The following WDR87 variants were observed in gnomAD, a reference collection of about 807,000 sequenced individuals.
The protein encoded by WDR87 is WD repeat domain 87.
In WDR87, 56 loss-of-function variants were observed where a neutral mutation model predicts 83.3. The ratio of observed to expected loss-of-function variants is 0.67; its 90% confidence interval spans 0.54 to 0.84. The LOEUF (loss-of-function observed/expected upper bound fraction) is 0.84. Among genes scored for constraint, WDR87 ranks in the 40% least tolerant of loss-of-function variants. The pLI is 0.00. For synonymous variants in WDR87, 1,173 were observed against 1,250.6 expected (o/e 0.94, Z 1.31); for missense variants, 2,939 against 3,431.9 (o/e 0.86, Z 3.59).
At chr19:37,898,555 A>G (rs901151463) in intron 1 of WDR87, among the ~76,000 whole-genome samples, 2 of 152,220 alleles carry the variant, frequency 1.3e-5, no homozygotes, top group African/African-American at 4.8e-5. Context: ...TATATGGGTG[A>G]GAGAACCAGA....
At position 37,894,080 on chromosome 19, in the gene WDR87, A is replaced by G; in HGVS notation, c.1623T>C (p.Leu541=). The change falls in exon 4 of 6, where the codon CTT becomes CTC. Residue 541 remains leucine (L), a synonymous_variant. Coordinates refer to ENST00000447313, the MANE Select transcript of WDR87 (RefSeq NM_001291088.2). ...GCCGCAGTTGTACTTTGACCCCATCAAGCACAGCTTCTGACAGGTGCACAT... is the reference window on the plus strand; with the variant it reads ...GCCGCAGTTGTACTTTGACCCCATCGAGCACAGCTTCTGACAGGTGCACAT... ...DDYVHLSEAV[L]DGVKVQLRPL... The G allele has an allele frequency of 6.4e-7, 1 of 1,552,248 alleles. No individual in the cohort carries two copies. Among genetic ancestry groups the G allele is most frequent in the Non-Finnish European group, 8.7e-7 (1 of 1,147,114 alleles).
chr19:37,888,910 T>G lies in WDR87; in HGVS notation c.4761A>C (p.Glu1587Asp). ...YKDEEEVTLEEEVSREGEEKE... is the reference protein window; with the variant it reads ...YKDEEEVTLEDEVSREGEEKE... ...TTTCTTCCCCCTCCCGAGACACTTC[T>G]TCCTCCAAAGTCACTTCTTCCTCAT... Residue 1587 changes from glutamate (E) to aspartate (D), a missense_variant, in exon 6 of 6, where the codon GAA (glutamate) becomes GAC (aspartate). This residue lies in a region of WDR87 where 2,160 missense variants were observed against 2,533.1 expected (regional missense o/e 0.85). Transcript: ENST00000447313. 6.4e-7 allele frequency: 1 copy of G among 1,552,228 alleles called. No homozygotes were observed. The highest frequency in any genetic ancestry group is 8.7e-7 in the Non-Finnish European group (1 of 1,147,082).
At position 37,893,152 on chromosome 19, in the gene WDR87, G is replaced by A. The variant is rs374816200; in HGVS notation, c.2551C>T (p.Arg851Trp). 2.2e-5 allele frequency: 34 copies of A among 1,551,776 alleles called. No homozygotes were observed. The African/African-American group carries it at 3.1e-4, about 14-fold the overall frequency. ...TGAGACCTGTCCCATTCCAGCTCCCGCTGGGGTGCATGCAGGTTGCACTGT... is the reference window on the plus strand; with the variant it reads ...TGAGACCTGTCCCATTCCAGCTCCCACTGGGGTGCATGCAGGTTGCACTGT... ...YLQCNLHAPQ[R>W]ELEWDRSQEF... Residue 851 changes from arginine (R) to tryptophan (W), a missense_variant, in exon 4 of 6, where the codon CGG (arginine) becomes TGG (tryptophan). Coordinates refer to ENST00000447313, the MANE Select transcript of WDR87 (RefSeq NM_001291088.2).
In WDR87 at chr19:37,891,741, C is replaced by T; in HGVS notation, c.3205G>A (p.Val1069Met). 1 of 1,552,160 alleles carries T rather than the reference C, an allele frequency of 6.4e-7. No homozygotes were observed. The highest frequency in any genetic ancestry group is 1.2e-5 in the South Asian group (1 of 84,064). The change falls in exon 5 of 6, where the codon GTG becomes ATG. Residue 1069 changes from valine (V) to methionine (M), a missense_variant. By Grantham distance (21) the Val-to-Met change is conservative. Around this residue, in one of 3 missense-constraint regions of WDR87, gnomAD observed 2,160 missense variants for 2,533.1 expected, o/e 0.85. Transcript: ENST00000447313. Reference protein sequence around the residue: ...ATDLQILSTQVEQRLNENLTL... With the variant: ...ATDLQILSTQMEQRLNENLTL... ...AGGTTTTCATTCAATCTCTGCTCCA[C>T]TTGAGTGGAAAGGATTTGGAGATCT...
chr19:37,898,116 A>G (rs1176916545), intron 2 of WDR87, 49 bp downstream of exon 2: 8 of 1,547,632 alleles, frequency 5.2e-6, no homozygotes, highest in Non-Finnish European at 7.0e-6. Context: ...TGACTGTAAG[A>G]CAGGTAGCAG....
Position 37,893,827 on chromosome 19 carries a change from C to A in WDR87, c.1876G>T (p.Ala626Ser). The A allele has an allele frequency of 6.4e-7, 1 of 1,551,726 alleles. No homozygotes were observed. Among genetic ancestry groups the A allele is most frequent in the Non-Finnish European group, 8.7e-7 (1 of 1,147,018 alleles). Residue 626 changes from alanine (A) to serine (S), a missense_variant, in exon 4 of 6, where the codon GCC (alanine) becomes TCC (serine). This residue lies in a region of WDR87 where 553 missense variants were observed against 577.9 expected (regional missense o/e 0.96). Coordinates refer to ENST00000447313, the MANE Select transcript of WDR87 (RefSeq NM_001291088.2). ...TCCCAGATCCGAACAGAGCCATCGG[C>A]AGAACCTGTGACAAAAAGACTCAAG... ...LSLSLFVTGS[A>S]DGSVRIWDFH...
chr19:37,899,248 G>A (rs1031371943), intron 1 of WDR87, among the ~76,000 whole-genome samples: 15 of 151,686 alleles, frequency 9.9e-5, no homozygotes, highest in African/African-American at 2.9e-4. Flanking sequence ...GTGAAACCCC[G>A]TCTCTACTAA....
rs577327723 is a variant in WDR87 at position 37,894,190 on chromosome 19, C to T, written c.1513G>A (p.Ala505Thr). The T allele has an allele frequency of 1.0e-5, 16 of 1,552,178 alleles. No homozygotes were observed. The highest frequency in any genetic ancestry group is 7.1e-5 in the South Asian group (6 of 84,054). ...ARLEKFMHFG[A>T]VLALSTLSGG... ...GACAGCGTGGAGAGTGCCAGTACAG[C>T]GCCAAAGTGCATGAATTTTTCTAAT... The change falls in exon 4 of 6, where the codon GCT becomes ACT. Residue 505 changes from alanine (A) to threonine (T), a missense_variant. Physicochemically the swap from Ala to Thr is moderately conservative, Grantham distance 58 (BLOSUM62 0). Coordinates refer to ENST00000447313, the MANE Select transcript of WDR87 (RefSeq NM_001291088.2).
At chr19:37,900,968 A>ATAC (rs2046290256) in intron 1 of WDR87, among the ~76,000 whole-genome samples, 2 of 142,980 alleles carry the variant, frequency 1.4e-5, no homozygotes, top group Non-Finnish European at 1.5e-5. Context: ...TCTACAAAAA[A>ATAC]AAAAAAAAAA....
Position 37,893,520 on chromosome 19 carries a change from A to G in WDR87, c.2183T>C (p.Leu728Ser), listed in dbSNP as rs2046226014. The change falls in exon 4 of 6, where the codon TTA becomes TCA. Residue 728 changes from leucine (L) to serine (S), a missense_variant. Transcript: ENST00000447313. Reference protein sequence around the residue: ...YIYPGQAQQKLVGLEKLVNNR... With the variant: ...YIYPGQAQQKSVGLEKLVNNR... ...GTTGACAAGTTTCTCCAGACCCACT[A>G]ATTTCTGTTGCGCTTGTCCAGGGTA... The G allele has an allele frequency of 1.3e-6, 2 of 1,551,766 alleles. No individual in the cohort carries two copies. Among genetic ancestry groups the G allele is most frequent in the Non-Finnish European group, 1.7e-6 (2 of 1,147,036 alleles).
At position 37,886,034 on chromosome 19, in the gene WDR87, G is replaced by C. The variant is rs1245139916; in HGVS notation, c.7637C>G (p.Pro2546Arg). 2 of 1,551,738 alleles carry C rather than the reference G, an allele frequency of 1.3e-6. No individual in the cohort carries two copies. The highest frequency in any genetic ancestry group is 8.7e-7 in the Non-Finnish European group (1 of 1,147,000). Residue 2546 changes from proline to arginine, a missense_variant, in exon 6 of 6, where the codon CCT becomes CGT. Physicochemically the swap from Pro to Arg is moderately radical, Grantham distance 103 (BLOSUM62 -2). Around this residue, in one of 3 missense-constraint regions of WDR87, gnomAD observed 2,160 missense variants for 2,533.1 expected, o/e 0.85. Coordinates refer to ENST00000447313, the MANE Select transcript of WDR87 (RefSeq NM_001291088.2). ...PLMGQTEVQL[P>R]LSQIPAKEQH... is the part of the protein sequence containing the mutation. Reference sequence around the variant, plus strand: ...TTCCTTAGCTGGGATTTGGGAGAGAGGTAACTGTACCTCAGTCTGTCCCAT... The same window carrying C: ...TTCCTTAGCTGGGATTTGGGAGAGACGTAACTGTACCTCAGTCTGTCCCAT...
Position 37,892,949 on chromosome 19 carries a change from A to T in WDR87, c.2754T>A (p.Ile918=). The change falls in exon 4 of 6, where the codon ATT becomes ATA. Residue 918 remains isoleucine (I), a synonymous_variant. Coordinates refer to ENST00000447313, the MANE Select transcript of WDR87 (RefSeq NM_001291088.2). ...WLGRKMSEIT[I]NSMIETMLNI... is the part of the protein sequence containing the mutation. ...TGAGCATTGTCTCAATCATGCTATT[A>T]ATGGTTATTTCACTCATCTTTCTTC... 1 of 1,551,950 alleles carries T rather than the reference A, an allele frequency of 6.4e-7. No individual in the cohort carries two copies. The highest frequency in any genetic ancestry group is 8.7e-7 in the Non-Finnish European group (1 of 1,147,068).
At chr19:37,905,243 A>G (rs991370337) in intron 1 of WDR87, among the ~76,000 whole-genome samples, 10 of 151,950 alleles carry the variant, frequency 6.6e-5, no homozygotes, top group Non-Finnish European at 8.8e-5. Flanking sequence ...AAAAAAAAAA[A>G]AAAAAAAGTA....
chr19:37,902,547 T>A (rs1490521032), intron 1 of WDR87, among the ~76,000 whole-genome samples: 2 of 152,130 alleles, frequency 1.3e-5, no homozygotes, highest in African/African-American at 2.4e-5. Flanking sequence ...ACAAAGATAA[T>A]CTAATGGGAG....
intron 4 of WDR87, 91 bp from the exon 5 acceptor site, chr19:37,891,911 G>A (rs1356972162): frequency 1.2e-5 from 18 of 1,456,326 alleles, no homozygotes; most frequent in Non-Finnish European, 1.6e-5. Context: ...CAGGCAGGAG[G>A]CTTGGCAAAG....
At chr19:37,905,577 T>TA (rs2046321305) in intron 1 of WDR87, among the ~76,000 whole-genome samples, 1 of 151,474 alleles carries the variant, frequency 6.6e-6, no homozygotes, top group Admixed American at 6.6e-5. Flanking sequence ...TTTTTTTTTT[T>TA]AAAGAGACAG....
At chr19:37,895,515 C>T in intron 3 of WDR87, 59 bp from the exon 4 acceptor site, 1 of 1,475,304 alleles carries the variant, frequency 6.8e-7, no homozygotes, top group East Asian at 2.5e-5. Context: ...TGCCTGTAAT[C>T]CCAGCACTTT....
intron 1 of WDR87, among the ~76,000 whole-genome samples, chr19:37,899,638 G>C (rs1219587719): frequency 6.6e-6 from 1 of 152,012 alleles, no homozygotes; most frequent in Non-Finnish European, 1.5e-5. Context: ...TGTAGAGACA[G>C]GGTCTCACTA....
Position 37,886,687 on chromosome 19 carries a change from CT to C in WDR87, c.6983del (p.Lys2328ArgfsTer25). On this transcript the variant is annotated frameshift_variant, in exon 6 of 6. Coordinates refer to ENST00000447313, the MANE Select transcript of WDR87 (RefSeq NM_001291088.2). LOFTEE classifies it low-confidence loss of function (END_TRUNC). ...QVEKEEEEKK[K>X]KKKEKKKEEV... is the part of the protein sequence containing the mutation. The stretch of plus-strand genomic sequence containing the variant: ...CCTCCTTCTTCTTTTCCTTTTTCTT[CT>C]TCTTCTTCTCCTCCTCTTCTTTCTC... 6.8e-7 allele frequency: 1 copy of C among 1,465,070 alleles called. No homozygotes were observed. The highest frequency in any genetic ancestry group is 1.3e-5 in the South Asian group (1 of 78,256). The allele number at this position is 1,465,070 out of a possible 1,614,324, so 90.8% of individuals were successfully genotyped here. A position where few individuals can be genotyped will look rare whatever the true frequency, so the allele number is the denominator to read the frequency against.
Sources: allele counts gnomAD v4.1 joint callset (sites outside exome capture counted in the v4.1 genomes callset), GRCh38; gene constraint gnomAD v4.1.1; regional missense constraint gnomAD v4.1.1; transcripts MANE v1.5; gene names NCBI Gene and HGNC (gene_info 2026-07-23, HGNC 2026-07-21).